DOCK7: variants seen among roughly 807,000 people sequenced by gnomAD.
DOCK7 encodes the protein dedicator of cytokinesis protein 7.
Under a neutral mutation model 271.0 loss-of-function variants are expected in DOCK7, and 138 were observed. The observed-to-expected ratio is 0.51, with a 90% confidence interval of 0.44 to 0.59. The LOEUF is 0.59. Ranked by LOEUF, DOCK7 falls within the 20% of genes least tolerant of loss-of-function variation. The pLI is 0.00. For missense variants in DOCK7, 2,066 were observed against 2,592.4 expected, an observed-to-expected ratio of 0.80 and a Z score of 4.41; for synonymous variants, 823 against 876.1, an observed-to-expected ratio of 0.94 and a Z score of 1.07.
chr1:62,457,063 C>A (rs1163124303), intron 49 of DOCK7, among the ~76,000 whole-genome samples: 1 of 152,082 alleles, frequency 6.6e-6, no homozygotes, highest in Non-Finnish European at 1.5e-5. Context: ...TCCACAAAAA[C>A]CTCTTTAAGT....
At chr1:62,573,196 A>G (rs1330514494) in intron 18 of DOCK7, among the ~76,000 whole-genome samples, 1 of 152,192 alleles carries the variant, frequency 6.6e-6, no homozygotes, top group Admixed American at 6.5e-5. Context: ...AGACTCAGCT[A>G]TGTCAAGATC....
intron 24 of DOCK7, 134 bp downstream of exon 24, chr1:62,543,522 G>T (rs1403106429): frequency 1.8e-6 from 1 of 568,406 alleles, no homozygotes; most frequent in Non-Finnish European, 3.1e-6. Context: ...GACAAGCAAT[G>T]CTTGTTCAGA....
chr1:62,651,586 C>T (rs530236210), intron 4 of DOCK7, among the ~76,000 whole-genome samples: 6 of 150,852 alleles, frequency 4.0e-5, no homozygotes, highest in East Asian at 2.0e-4. Context: ...ATATCCACAC[C>T]GCCATTAAGC....
At chr1:62,459,947 A>T (rs1288077823) in intron 48 of DOCK7, among the ~76,000 whole-genome samples, 1 of 151,868 alleles carries the variant, frequency 6.6e-6, no homozygotes, top group East Asian at 1.9e-4. Context: ...AAAAAATACA[A>T]AAAATTAGCC....
At chr1:62,582,694 A>AT (rs1259662165) in intron 16 of DOCK7, among the ~76,000 whole-genome samples, 1 of 150,616 alleles carries the variant, frequency 6.6e-6, no homozygotes, top group Non-Finnish European at 1.5e-5. Flanking sequence ...CAATTTTGTG[A>AT]TTTTTCCCCA....
intron 27 of DOCK7, 33 bp from the exon 28 acceptor site, chr1:62,538,094 A>G (rs1391569894): frequency 4.4e-6 from 7 of 1,586,206 alleles, no homozygotes; most frequent in African/African-American, 2.7e-5. Context: ...GAGAACACCA[A>G]TTGAATCTAT....
intron 1 of DOCK7, among the ~76,000 whole-genome samples, chr1:62,674,029 G>C (rs906292306): frequency 2.6e-5 from 4 of 151,906 alleles, no homozygotes; most frequent in Admixed American, 1.3e-4. Flanking sequence ...TTTACTCACA[G>C]AAAAAATTAT....
At chr1:62,663,271 G>GT in intron 1 of DOCK7, 141 bp from the exon 2 acceptor site, 2 of 645,272 alleles carry the variant, frequency 3.1e-6, no homozygotes, top group Non-Finnish European at 5.3e-6. Flanking sequence ...CTAGAAATTC[G>GT]TAAAATATTT....
At position 62,494,265 on chromosome 1, in the gene DOCK7, A is replaced by G. The variant is rs746835369; in HGVS notation, c.5217+10T>C. 6.4e-7 allele frequency: 1 copy of G among 1,567,630 alleles called. No homozygotes were observed. Among genetic ancestry groups the G allele is most frequent in the Non-Finnish European group, 8.7e-7 (1 of 1,146,784 alleles). ...TACCTTGATTTAATGTACATCTGGA[A>G]GATTCCTACCTGAAATGTTACACAT... is the stretch of plus-strand genomic sequence containing the variant. On this transcript the variant is annotated intron_variant, in intron 40 of 49. Coordinates refer to ENST00000635253, the MANE Select transcript of DOCK7 (RefSeq NM_001367561.1).
intron 9 of DOCK7, 156 bp downstream of exon 9, chr1:62,634,615 AGG>A: frequency 1.6e-6 from 1 of 621,198 alleles, no homozygotes; most frequent in Non-Finnish European, 2.7e-6. Flanking sequence ...AAGAAAAATT[AGG>A]TAGCACCTAC....
chr1:62,629,225 AT>A (rs1437759181), intron 11 of DOCK7: 1 of 152,162 alleles, frequency 6.6e-6, no homozygotes, highest in East Asian at 1.9e-4. Context: ...TGACCCAGCA[AT>A]TTCACTCCTA....
chr1:62,654,714 G>T (rs1008431870), intron 2 of DOCK7, among the ~76,000 whole-genome samples: 1 of 152,122 alleles, frequency 6.6e-6, no homozygotes, highest in Non-Finnish European at 1.5e-5. Flanking sequence ...TGTAATTAAG[G>T]ATCTTAAAAC....
intron 14 of DOCK7, chr1:62,605,068 T>C: frequency 2.4e-6 from 1 of 411,540 alleles, no homozygotes; most frequent in Non-Finnish European, 4.4e-6. Flanking sequence ...TTTTAGATGG[T>C]CACAATCTAG....
intron 11 of DOCK7, among the ~76,000 whole-genome samples, chr1:62,625,773 G>A (rs1368643929): frequency 1.3e-5 from 2 of 152,140 alleles, no homozygotes; most frequent in African/African-American, 4.8e-5. Flanking sequence ...AGAATTGTAA[G>A]ATAATTTGTA....
At chr1:62,535,734 T>G in intron 28 of DOCK7, 102 bp from the exon 29 acceptor site, 2 of 1,162,224 alleles carry the variant, frequency 1.7e-6, no homozygotes, top group Non-Finnish European at 2.3e-6. Context: ...CAGGGTAGTT[T>G]ATTTTATATT....
At position 62,618,733 on chromosome 1, in the gene DOCK7, T is replaced by C; in HGVS notation, c.1655A>G (p.Asp552Gly). 1 of 1,613,700 alleles carries C rather than the reference T, an allele frequency of 6.2e-7. No homozygotes were observed. Among genetic ancestry groups the C allele is most frequent in the Non-Finnish European group, 8.5e-7 (1 of 1,179,674 alleles). ...TREILEFPAR[D>G]VYVPNTTYRN... is the part of the protein sequence containing the mutation. ...GTAAGTAGTGTTTGGAACATAAACATCCCTTGCGGGAAACTCTAAGATTTC... is the reference window on the plus strand; with the variant it reads ...GTAAGTAGTGTTTGGAACATAAACACCCCTTGCGGGAAACTCTAAGATTTC... Residue 552 changes from aspartate (D) to glycine (G), a missense_variant, in exon 14 of 50, where the codon GAT becomes GGT. Asp to Gly is a moderately conservative substitution (Grantham distance 94, BLOSUM62 -1). Coordinates refer to ENST00000635253, the MANE Select transcript of DOCK7 (RefSeq NM_001367561.1).
chr1:62,624,796 T>C lies in DOCK7; in HGVS notation c.1425+463A>G, dbSNP rs187391655. ...CGAGACCAGCCTGGCCAACATTTAG[T>C]ATCCTGTCTCTACTAAAAAATACAA... is the stretch of plus-strand genomic sequence containing the variant. On this transcript the variant is annotated intron_variant, in intron 12 of 49. Transcript: ENST00000635253. Among the ~76,000 whole-genome samples, 64 of 152,080 alleles carry C rather than the reference T, an allele frequency of 4.2e-4. No individual in the cohort carries two copies. In the Middle Eastern group the frequency reaches 0.01, roughly 24 times the overall value.
chr1:62,505,590 C>T (rs1272518729), intron 36 of DOCK7, 92 bp downstream of exon 36: 30 of 1,280,694 alleles, frequency 2.3e-5, no homozygotes, highest in Non-Finnish European at 3.1e-5. Context: ...TATATTACTA[C>T]ATATATTAAC....
intron 48 of DOCK7, among the ~76,000 whole-genome samples, chr1:62,471,440 T>C (rs1355541847): frequency 6.6e-6 from 1 of 152,090 alleles, no homozygotes; most frequent in Non-Finnish European, 1.5e-5. Flanking sequence ...GGTGGGAGGA[T>C]AGCTTGAGGC....
Sources: allele counts gnomAD v4.1 joint callset (sites outside exome capture counted in the v4.1 genomes callset), GRCh38; gene constraint gnomAD v4.1.1; transcripts MANE v1.5; gene names NCBI Gene and HGNC (gene_info 2026-07-23, HGNC 2026-07-21).